TAF3: variants seen among roughly 807,000 people sequenced by gnomAD.
TAF3 encodes the protein transcription initiation factor TFIID subunit 3.
TAF3 carries 7 observed loss-of-function variants against 80.6 expected under a neutral mutation model. The observed-to-expected ratio is 0.09, with a 90% confidence interval of 0.05 to 0.16. The LOEUF (loss-of-function observed/expected upper bound fraction) is 0.16, where lower values mean the gene tolerates loss of function less well. Ranked by LOEUF, TAF3 falls within the 10% of genes least tolerant of loss-of-function variation. The pLI, the probability that TAF3 is intolerant of heterozygous loss-of-function variation, is 1.00. For missense variants in TAF3, 921 were observed against 1,140.2 expected (o/e 0.81, Z 2.77); for synonymous variants, 444 against 446.1 (o/e 1.00, Z 0.06).
At chr10:7,998,860 G>C (rs1191585463) in intron 4 of TAF3, among the ~76,000 whole-genome samples, 2 of 151,340 alleles carry the variant, frequency 1.3e-5, no homozygotes, top group Admixed American at 6.6e-5. Context: ...GAAAAAAAAA[G>C]AAAGAAATGT....
intron 2 of TAF3, among the ~76,000 whole-genome samples, chr10:7,927,841 C>T (rs58063040): frequency 0.017 from 2,577 of 152,264 alleles, 78 homozygotes; most frequent in African/African-American, 0.059. Flanking sequence ...TGAAGAGGCA[C>T]TGTTTCCTTT....
At chr10:8,006,178 ATACACACAC>A (rs1831990019) in intron 4 of TAF3, among the ~76,000 whole-genome samples, 1 of 111,848 alleles carries the variant, frequency 8.9e-6, no homozygotes, top group African/African-American at 3.5e-5. Flanking sequence ...GAAAAAAAAA[ATACACACAC>A]ACACACACAC....
intron 2 of TAF3, among the ~76,000 whole-genome samples, chr10:7,916,943 A>G (rs796642954): frequency 8.5e-5 from 13 of 152,344 alleles, no homozygotes; most frequent in African/African-American, 2.9e-4. Context: ...TCAGAAATAT[A>G]GACTGTCTGT....
At chr10:7,875,242 T>G (rs1230732343) in intron 2 of TAF3, among the ~76,000 whole-genome samples, 2 of 152,190 alleles carry the variant, frequency 1.3e-5, no homozygotes, top group African/African-American at 4.8e-5. Context: ...TATTTAACCA[T>G]TTAAGTTGCA....
chr10:7,870,430 G>C (rs1386765655), intron 2 of TAF3, among the ~76,000 whole-genome samples: 1 of 152,116 alleles, frequency 6.6e-6, no homozygotes, highest in Non-Finnish European at 1.5e-5. Context: ...TTTTCTTCCA[G>C]TGGTCGGTTA....
At chr10:7,856,913 A>C (rs1227649148) in intron 2 of TAF3, among the ~76,000 whole-genome samples, 1 of 151,960 alleles carries the variant, frequency 6.6e-6, no homozygotes, top group Non-Finnish European at 1.5e-5. Context: ...TTATTTTACT[A>C]ACATAAAAAT....
intron 2 of TAF3, among the ~76,000 whole-genome samples, chr10:7,839,107 C>G (rs1836884525): frequency 1.3e-5 from 2 of 151,890 alleles, no homozygotes; most frequent in South Asian, 4.2e-4. Flanking sequence ...TTACTTGCCC[C>G]TCGTTGCTTC....
At chr10:7,954,323 C>A (rs75213081) in intron 2 of TAF3, among the ~76,000 whole-genome samples, 1 of 117,736 alleles carries the variant, frequency 8.5e-6, no homozygotes, top group South Asian at 3.5e-4. Flanking sequence ...ACTCCATAGG[C>A]GAATGAGTGA....
intron 2 of TAF3, among the ~76,000 whole-genome samples, chr10:7,860,208 G>A (rs1837130120): frequency 6.6e-6 from 1 of 151,508 alleles, no homozygotes; most frequent in Non-Finnish European, 1.5e-5. Flanking sequence ...GGAGGCAGAG[G>A]TTGCAGTGAG....
At chr10:7,984,906 A>G (rs1479535354) in intron 4 of TAF3, among the ~76,000 whole-genome samples, 6 of 152,236 alleles carry the variant, frequency 3.9e-5, no homozygotes, top group Non-Finnish European at 5.9e-5. Flanking sequence ...ATTTAAAAAA[A>G]GAATATGTTT....
intron 2 of TAF3, among the ~76,000 whole-genome samples, chr10:7,885,425 T>G (rs550931531): frequency 6.6e-6 from 1 of 152,128 alleles, no homozygotes; most frequent in Admixed American, 6.5e-5. Context: ...ATGTAAAATA[T>G]TAATATGGCT....
At chr10:7,968,258 T>C (rs1382882396) in intron 3 of TAF3, among the ~76,000 whole-genome samples, 1 of 152,150 alleles carries the variant, frequency 6.6e-6, no homozygotes, top group Non-Finnish European at 1.5e-5. Context: ...GGCCACAATC[T>C]CATTTTCCCT....
chr10:8,013,627 C>T (rs1347803700), intron 5 of TAF3, 104 bp from the exon 6 acceptor site: 1 of 810,798 alleles, frequency 1.2e-6, no homozygotes, highest in Non-Finnish European at 2.0e-6. Flanking sequence ...TTTAATATGC[C>T]TGTTTATTCG....
chr10:7,999,259 T>C (rs1831919779), intron 4 of TAF3, among the ~76,000 whole-genome samples: 1 of 152,176 alleles, frequency 6.6e-6, no homozygotes, highest in South Asian at 2.1e-4. Flanking sequence ...ATACTGCAAG[T>C]AATCCAAAGA....
intron 2 of TAF3, among the ~76,000 whole-genome samples, chr10:7,864,615 A>G (rs553537251): frequency 6.6e-6 from 1 of 152,224 alleles, no homozygotes; most frequent in East Asian, 1.9e-4. Flanking sequence ...TCTTGGGTAA[A>G]TGTCCAGGAG....
intron 2 of TAF3, among the ~76,000 whole-genome samples, chr10:7,849,210 T>A (rs565542541): frequency 6.6e-6 from 1 of 152,108 alleles, no homozygotes; most frequent in Non-Finnish European, 1.5e-5. Context: ...GGAAATAAAG[T>A]GTAGGGATAA....
chr10:7,914,906 C>G (rs1837693985), intron 2 of TAF3, among the ~76,000 whole-genome samples: 1 of 148,978 alleles, frequency 6.7e-6, no homozygotes, highest in Non-Finnish European at 1.5e-5. Flanking sequence ...ACACCTCATG[C>G]CCCTGAAAGC....
At chr10:7,973,012 CAG>C (rs964447159) in intron 3 of TAF3, among the ~76,000 whole-genome samples, 13 of 152,158 alleles carry the variant, frequency 8.5e-5, no homozygotes, top group Non-Finnish European at 1.5e-5. Flanking sequence ...GTAGGGTGAA[CAG>C]GGGATGAATT....
chr10:7,958,156 A>G (rs1838155108), intron 2 of TAF3, among the ~76,000 whole-genome samples: 1 of 146,438 alleles, frequency 6.8e-6, no homozygotes, highest in African/African-American at 2.5e-5. Flanking sequence ...GTAGAGGCTA[A>G]ACAGTTCAAT....
Sources: gnomAD v4.1 joint callset for allele counts (sites outside exome capture counted in the v4.1 genomes callset) on GRCh38, gnomAD v4.1.1 for gene constraint, MANE v1.5 for transcripts, NCBI Gene and HGNC (gene_info 2026-07-23, HGNC 2026-07-21) for gene names.